STOX1: variants seen among roughly 807,000 people sequenced by gnomAD.
The protein encoded by STOX1 is storkhead box 1.
In STOX1, 57 loss-of-function variants were observed where a neutral mutation model predicts 74.8. The observed-to-expected ratio is 0.76, with a 90% CI of 0.62 to 0.95. STOX1 has a LOEUF of 0.95. Among genes scored for constraint, STOX1 ranks in the 40% least tolerant of loss-of-function variants. The pLI is 0.00. For synonymous variants in STOX1, 375 were observed against 401.3 expected (o/e 0.93, Z 0.78); for missense variants, 1,010 against 1,117.0 (o/e 0.90, Z 1.37).
At chr10:68,836,539 T>A (rs1198683943) in intron 1 of STOX1, among the ~76,000 whole-genome samples, 1 of 152,236 alleles carries the variant, frequency 6.6e-6, no homozygotes, top group Non-Finnish European at 1.5e-5. Context: ...TTGTGCTTAG[T>A]GCTGGTCACG....
At chr10:68,830,407 A>C (rs940392859) in intron 1 of STOX1, among the ~76,000 whole-genome samples, 11 of 152,106 alleles carry the variant, frequency 7.2e-5, no homozygotes, top group African/African-American at 2.4e-4. Flanking sequence ...CAATGGTACA[A>C]TCTTGGCTCA....
chr10:68,831,808 G>A (rs1791620275), intron 1 of STOX1, among the ~76,000 whole-genome samples: 1 of 152,174 alleles, frequency 6.6e-6, no homozygotes, highest in Non-Finnish European at 1.5e-5. Flanking sequence ...GGTAAGGAAA[G>A]TAGTTCCCAG....
chr10:68,886,597 A>T lies in STOX1; in HGVS notation c.2801A>T (p.Asp934Val). 1.9e-6 allele frequency: 3 copies of T among 1,614,170 alleles called. No homozygotes were observed. Among genetic ancestry groups the T allele is most frequent in the Non-Finnish European group, 2.5e-6 (3 of 1,180,024 alleles). Reference protein sequence around the residue: ...EGTENHSMAGDSGIDSPRTQS... With the variant: ...EGTENHSMAGVSGIDSPRTQS... ...ACAGAAAATCACAGCATGGCAGGAG[A>T]TAGTGGAATAGATTCTCCACGGTAG... Residue 934 changes from aspartate (D) to valine (V), a missense_variant, in exon 3 of 4, where the codon GAT (aspartate) becomes GTT (valine). Coordinates refer to ENST00000298596, the MANE Select transcript of STOX1 (RefSeq NM_152709.5).
At chr10:68,881,574 G>A (rs1403071981) in intron 1 of STOX1, among the ~76,000 whole-genome samples, 1 of 152,154 alleles carries the variant, frequency 6.6e-6, no homozygotes, top group Non-Finnish European at 1.5e-5. Flanking sequence ...AAATAATCCT[G>A]TGTCTGCCTT....
At chr10:68,858,351 C>G (rs989343832) in intron 1 of STOX1, among the ~76,000 whole-genome samples, 1 of 152,066 alleles carries the variant, frequency 6.6e-6, no homozygotes, top group Non-Finnish European at 1.5e-5. Context: ...AGGCAATGGC[C>G]TTGTGAACAT....
At chr10:68,832,587 C>T (rs1379602539) in intron 1 of STOX1, among the ~76,000 whole-genome samples, 1 of 151,664 alleles carries the variant, frequency 6.6e-6, no homozygotes, top group Non-Finnish European at 1.5e-5. Context: ...GCAGGAGAAC[C>T]CGGGAGGCAG....
chr10:68,831,329 G>T (rs776235335), intron 1 of STOX1, among the ~76,000 whole-genome samples: 8 of 152,060 alleles, frequency 5.3e-5, no homozygotes, highest in Non-Finnish European at 1.0e-4. Flanking sequence ...TGGGATGACA[G>T]GTGCCCGCCA....
At chr10:68,850,066 G>A (rs1439698203) in intron 1 of STOX1, among the ~76,000 whole-genome samples, 2 of 152,186 alleles carry the variant, frequency 1.3e-5, no homozygotes, top group Non-Finnish European at 2.9e-5. Context: ...CCAGGCTGGA[G>A]TCCAGTGGTG....
chr10:68,834,233 G>A (rs144430730), intron 1 of STOX1, among the ~76,000 whole-genome samples: 1 of 152,334 alleles, frequency 6.6e-6, no homozygotes, highest in African/African-American at 2.4e-5. Context: ...TACTCTAGGA[G>A]TGTAGAGTGT....
At chr10:68,847,608 C>G (rs1378351841) in intron 1 of STOX1, among the ~76,000 whole-genome samples, 1 of 151,942 alleles carries the variant, frequency 6.6e-6, no homozygotes, top group Admixed American at 6.6e-5. Context: ...TGGGATTTCA[C>G]TATGTTGGCT....
intron 1 of STOX1, among the ~76,000 whole-genome samples, chr10:68,838,621 G>A (rs114849325): frequency 0.037 from 5,637 of 152,126 alleles, 343 homozygotes; most frequent in African/African-American, 0.13. Flanking sequence ...TTGAAAAAAA[G>A]TGGCAAGAGC....
Position 68,885,670 on chromosome 10 carries a change from A to T in STOX1, c.1874A>T (p.His625Leu). The change falls in exon 3 of 4, where the codon CAT (histidine) becomes CTT (leucine). Residue 625 changes from histidine to leucine, a missense_variant. Transcript: ENST00000298596. ...ATTCCTGAAGTCTTGAGGAAAAGTC[A>T]TTCCCACTTTGACAAATTAGGGGAG... ...EVIPEVLRKS[H>L]SHFDKLGETK... The T allele has an allele frequency of 6.2e-7, 1 of 1,614,194 alleles. No individual in the cohort carries two copies. The highest frequency in any genetic ancestry group is 8.5e-7 in the Non-Finnish European group (1 of 1,180,046).
In STOX1 at chr10:68,886,274, A is replaced by C. The variant is rs1564589179; in HGVS notation, c.2478A>C (p.Ser826=). The change falls in exon 3 of 4, where the codon TCA becomes TCC. Residue 826 remains serine (S), a synonymous_variant. Transcript: ENST00000298596. ...CTGCTGAAAGTTGTGGCCTAAATTCAGGGGCCCAGTTTGGTTTTAACTACG... is the reference window on the plus strand; with the variant it reads ...CTGCTGAAAGTTGTGGCCTAAATTCCGGGGCCCAGTTTGGTTTTAACTACG... ...NLSAESCGLN[S]GAQFGFNYEE... 1.2e-6 allele frequency: 2 copies of C among 1,614,144 alleles called. No homozygotes were observed. The highest frequency in any genetic ancestry group is 1.7e-6 in the Non-Finnish European group (2 of 1,180,008).
At chr10:68,889,937 T>G (rs1377848747) in intron 3 of STOX1, among the ~76,000 whole-genome samples, 2 of 151,742 alleles carry the variant, frequency 1.3e-5, no homozygotes, top group African/African-American at 4.8e-5. Flanking sequence ...GCCCAGCTAT[T>G]TTGTGTGTGT....
At chr10:68,882,131 C>T (rs1281194207) in intron 2 of STOX1, 21 bp downstream of exon 2, 1 of 1,608,850 alleles carries the variant, frequency 6.2e-7, no homozygotes, top group Admixed American at 1.7e-5. Context: ...AAATTTTTGT[C>T]TATTTGTACT....
intron 1 of STOX1, among the ~76,000 whole-genome samples, chr10:68,873,895 C>T (rs188056435): frequency 3.6e-4 from 54 of 150,474 alleles, no homozygotes; most frequent in African/African-American, 1.1e-3. Flanking sequence ...GTGATCCACC[C>T]GCCTCGGCCT....
intron 1 of STOX1, among the ~76,000 whole-genome samples, chr10:68,835,207 A>C (rs1345566191): frequency 2.8e-5 from 4 of 144,858 alleles, no homozygotes; most frequent in Non-Finnish European, 1.5e-5. Context: ...ATGCGCGGCT[A>C]ATTTTTGTAT....
At chr10:68,836,714 TTCTTTAG>T (rs1839564402) in intron 1 of STOX1, among the ~76,000 whole-genome samples, 1 of 152,144 alleles carries the variant, frequency 6.6e-6, no homozygotes, top group South Asian at 2.1e-4. Context: ...GGGCCTCTAG[TTCTTTAG>T]GTGTGAACGG....
chr10:68,861,956 C>T (rs1766405762), intron 1 of STOX1, among the ~76,000 whole-genome samples: 1 of 150,750 alleles, frequency 6.6e-6, no homozygotes, highest in Admixed American at 6.6e-5. Context: ...ATTCCAGTTG[C>T]ATTTTAGCTG....
Sources: allele counts gnomAD v4.1 joint callset (sites outside exome capture counted in the v4.1 genomes callset), GRCh38; gene constraint gnomAD v4.1.1; transcripts MANE v1.5; gene names NCBI Gene and HGNC (gene_info 2026-07-23, HGNC 2026-07-21).